The following ANKS1B variants were observed in gnomAD, a reference collection of about 807,000 sequenced individuals.
ANKS1B encodes ankyrin repeat and sterile alpha motif domain containing 1B.
In ANKS1B, 36 loss-of-function variants were observed where a neutral mutation model predicts 148.3. The ratio of observed to expected loss-of-function variants is 0.24; its 90% CI spans 0.19 to 0.32. The LOEUF (loss-of-function observed/expected upper bound fraction) is 0.32, where lower values mean the gene tolerates loss of function less well. Ranked by LOEUF, ANKS1B falls within the 10% of genes least tolerant of loss-of-function variation. ANKS1B has a pLI of 1.00. For missense variants in ANKS1B, 1,157 were observed against 1,542.6 expected, an observed-to-expected ratio of 0.75 and a Z score of 4.19; for synonymous variants, 542 against 560.8, an observed-to-expected ratio of 0.97 and a Z score of 0.47.
intron 8 of ANKS1B, among the ~76,000 whole-genome samples, chr12:99,735,733 A>C (rs1600985404): frequency 1.3e-5 from 2 of 150,674 alleles, no homozygotes; most frequent in East Asian, 3.9e-4. Context: ...AAAAATAAAG[A>C]GGAGGGAGTT....
chr12:99,034,838 C>T (rs529294343), intron 17 of ANKS1B, among the ~76,000 whole-genome samples: 3 of 152,068 alleles, frequency 2.0e-5, no homozygotes, highest in Non-Finnish European at 4.4e-5. Flanking sequence ...GAGGTGAGCA[C>T]GTGTTCTCCA....
At chr12:98,810,857 T>A (rs2153627541) in intron 19 of ANKS1B, among the ~76,000 whole-genome samples, 1 of 152,316 alleles carries the variant, frequency 6.6e-6, no homozygotes, top group African/African-American at 2.4e-5. Flanking sequence ...TTTCCTTCCC[T>A]CCTTGTGTGT....
chr12:99,952,276 C>T (rs977285781), intron 1 of ANKS1B, among the ~76,000 whole-genome samples: 3 of 152,052 alleles, frequency 2.0e-5, no homozygotes, highest in Non-Finnish European at 2.9e-5. Context: ...CTCTAATTTT[C>T]TTTTCTTTCC....
At chr12:99,321,010 C>T (rs572427887) in intron 12 of ANKS1B, among the ~76,000 whole-genome samples, 60 of 152,276 alleles carry the variant, frequency 3.9e-4, no homozygotes, top group African/African-American at 1.3e-3. Flanking sequence ...GCGGAGGCTG[C>T]AGAACAGCAA....
At chr12:99,126,930 T>C (rs987848592) in intron 15 of ANKS1B, among the ~76,000 whole-genome samples, 1 of 152,132 alleles carries the variant, frequency 6.6e-6, no homozygotes, top group African/African-American at 2.4e-5. Flanking sequence ...ATTAACATTT[T>C]GGAAAAAATG....
intron 9 of ANKS1B, among the ~76,000 whole-genome samples, chr12:99,529,682 C>T (rs1041078955): frequency 9.2e-5 from 14 of 152,066 alleles, no homozygotes; most frequent in Admixed American, 9.2e-4. Context: ...AAGTAGTCAT[C>T]AACTTCTGTA....
intron 12 of ANKS1B, among the ~76,000 whole-genome samples, chr12:99,327,858 C>G (rs1043735448): frequency 7.9e-5 from 12 of 151,726 alleles, no homozygotes; most frequent in Non-Finnish European, 1.6e-4. Context: ...ATTTTCTTCT[C>G]TTAATGTGAA....
At chr12:99,052,734 CAAAAAAAAAA>C (rs56965572) in intron 17 of ANKS1B, among the ~76,000 whole-genome samples, 8 of 26,006 alleles carry the variant, frequency 3.1e-4, no homozygotes, top group African/African-American at 5.7e-4. Context: ...GACTCCGTCT[CAAAAAAAAAA>C]AAAAAAAAAA....
chr12:98,859,163 C>T (rs1228386997), intron 17 of ANKS1B, among the ~76,000 whole-genome samples: 3 of 152,166 alleles, frequency 2.0e-5, no homozygotes, highest in Non-Finnish European at 2.9e-5. Flanking sequence ...TTGGATATAA[C>T]GCCAGGATTT....
chr12:99,286,222 A>G (rs1458745319), intron 12 of ANKS1B, among the ~76,000 whole-genome samples: 1 of 151,776 alleles, frequency 6.6e-6, no homozygotes, highest in Non-Finnish European at 1.5e-5. Context: ...AAGCCACAGT[A>G]GGACAGGGCA....
chr12:99,390,303 T>A (rs933972670), intron 12 of ANKS1B, among the ~76,000 whole-genome samples: 5 of 152,198 alleles, frequency 3.3e-5, no homozygotes, highest in African/African-American at 1.2e-4. Context: ...AAACTGCTCC[T>A]CTTCCAGGGC....
intron 9 of ANKS1B, among the ~76,000 whole-genome samples, chr12:99,641,912 G>C (rs568835277): frequency 3.3e-5 from 5 of 152,104 alleles, no homozygotes; most frequent in South Asian, 2.1e-4. Flanking sequence ...AAACACAATA[G>C]ATATGCAAAC....
At chr12:99,260,859 T>C (rs907835804) in intron 12 of ANKS1B, among the ~76,000 whole-genome samples, 1 of 152,114 alleles carries the variant, frequency 6.6e-6, no homozygotes, top group Non-Finnish European at 1.5e-5. Flanking sequence ...GCTCATAGAT[T>C]TGCTTGGGTT....
intron 1 of ANKS1B, among the ~76,000 whole-genome samples, chr12:99,955,818 A>T (rs1393907755): frequency 6.6e-6 from 1 of 152,204 alleles, no homozygotes; most frequent in African/African-American, 2.4e-5. Context: ...AGTATCCATA[A>T]ATAGCTCACA....
chr12:99,434,587 CATCT>C (rs2152761637), intron 11 of ANKS1B, among the ~76,000 whole-genome samples: 1 of 152,122 alleles, frequency 6.6e-6, no homozygotes, highest in East Asian at 1.9e-4. Context: ...TCTTATAGCA[CATCT>C]ATTCTTAGCC....
In ANKS1B at chr12:98,802,594, C is replaced by CTTTTTTTTTTT. The variant is rs397850118; in HGVS notation, c.3142-1480_3142-1470dup. Among the ~76,000 whole-genome samples, 9 of 34,790 alleles carry CTTTTTTTTTTT rather than the reference C, an allele frequency of 2.6e-4. 2 individuals carry two copies. Among genetic ancestry groups the CTTTTTTTTTTT allele is most frequent in the East Asian group, 1.2e-3 (1 of 832 alleles). 22.8% of individuals were successfully genotyped at this position (34,790 alleles called of 152,430 possible). ...CTAGAGGACTTCAGTAATGCACAGG[C>CTTTTTTTTTTT]TTTTTTTTTTTTTTTTTTTTTTTTT... On this transcript the variant is annotated intron_variant, in intron 20 of 26. Coordinates refer to ENST00000683438, the MANE Select transcript of ANKS1B (RefSeq NM_001352186.2).
At chr12:99,518,847 G>A (rs2096847840) in intron 9 of ANKS1B, among the ~76,000 whole-genome samples, 1 of 151,812 alleles carries the variant, frequency 6.6e-6, no homozygotes, top group Non-Finnish European at 1.5e-5. Flanking sequence ...TCTTCCTTTT[G>A]ATGTAGACAC....
At chr12:99,241,992 A>G (rs536757100) in intron 14 of ANKS1B, among the ~76,000 whole-genome samples, 16 of 152,310 alleles carry the variant, frequency 1.1e-4, no homozygotes, top group Non-Finnish European at 2.1e-4. Context: ...CCGGCGAAAG[A>G]CAGGGATGCC....
At chr12:99,351,776 A>G (rs1293227235) in intron 12 of ANKS1B, among the ~76,000 whole-genome samples, 1 of 152,066 alleles carries the variant, frequency 6.6e-6, no homozygotes, top group African/African-American at 2.4e-5. Flanking sequence ...CTTACATTTT[A>G]CCAGAAAGGA....
Sources: allele counts gnomAD v4.1 joint callset (sites outside exome capture counted in the v4.1 genomes callset), GRCh38; gene constraint gnomAD v4.1.1; transcripts MANE v1.5; gene names NCBI Gene and HGNC (gene_info 2026-07-23, HGNC 2026-07-21).